BRD10: variants seen among roughly 807,000 people sequenced by gnomAD.
BRD10 encodes uncharacterized bromodomain-containing protein 10.
the BRD10 span, among the ~76,000 whole-genome samples, chr9:5,894,458 C>T: frequency 4.6e-5 from 7 of 152,196 alleles, no homozygotes; most frequent in South Asian, 1.2e-3. This position sits in a 1 kb window ranked among gnomAD's most constrained non-coding sequence, Gnocchi z 4.0. Flanking sequence ...AAGGGTGAGG[C>T]CATCAGGACC....
the BRD10 span, among the ~76,000 whole-genome samples, chr9:5,943,319 A>G: frequency 3.9e-5 from 6 of 152,200 alleles, no homozygotes; most frequent in Non-Finnish European, 8.8e-5. Flanking sequence ...ACTATGTTTA[A>G]AACTATGCAT....
the BRD10 span, among the ~76,000 whole-genome samples, chr9:5,964,074 G>C: frequency 1.3e-5 from 2 of 152,142 alleles, no homozygotes; most frequent in African/African-American, 4.8e-5. Flanking sequence ...TTCAACTAAA[G>C]AGCTTCTGCA....
chr9:5,988,344 C>T, the BRD10 span: 1 of 1,606,884 alleles, frequency 6.2e-7, no homozygotes, highest in Non-Finnish European at 8.5e-7. Context: ...TTAACATTTA[C>T]CTTTTTTCTT....
At chr9:5,884,527 TG>T in the BRD10 span, among the ~76,000 whole-genome samples, 4 of 152,172 alleles carry the variant, frequency 2.6e-5, no homozygotes, top group African/African-American at 9.6e-5. Context: ...CCCGAAGTTA[TG>T]GTTGGTGAAT....
chr9:5,922,990 C>T, the BRD10 span: 6 of 1,613,836 alleles, frequency 3.7e-6, no homozygotes, highest in Non-Finnish European at 5.1e-6. Flanking sequence ...TGGGTTTGGT[C>T]CCTTTCTGGA....
At chr9:5,953,126 T>A in the BRD10 span, among the ~76,000 whole-genome samples, 1 of 152,182 alleles carries the variant, frequency 6.6e-6, no homozygotes, top group Non-Finnish European at 1.5e-5. Context: ...TTTTTAGATA[T>A]ATCTAACTAT....
At chr9:5,908,668 A>C in the BRD10 span, 1 of 1,614,090 alleles carries the variant, frequency 6.2e-7, no homozygotes, top group Admixed American at 1.7e-5. Context: ...GCTTATGAGA[A>C]ACTCTCTGCA....
At chr9:5,921,136 TG>T in the BRD10 span, 1 of 1,613,960 alleles carries the variant, frequency 6.2e-7, no homozygotes, top group Non-Finnish European at 8.5e-7. Flanking sequence ...AATTACCACT[TG>T]TTGACAATGG....
chr9:5,920,890 T>G, the BRD10 span: 1 of 1,613,988 alleles, frequency 6.2e-7, no homozygotes, highest in South Asian at 1.1e-5. Context: ...TTCCGAGACT[T>G]GATGAGCAAA....
the BRD10 span, among the ~76,000 whole-genome samples, chr9:5,890,291 A>G: frequency 6.6e-6 from 1 of 152,262 alleles, no homozygotes; most frequent in Non-Finnish European, 1.5e-5. Context: ...GATAAACAAA[A>G]AATAACTCTT....
At chr9:5,966,150 T>C in the BRD10 span, among the ~76,000 whole-genome samples, 5 of 152,200 alleles carry the variant, frequency 3.3e-5, no homozygotes, top group Non-Finnish European at 5.9e-5. Context: ...ATTTCATGCA[T>C]GTAAGTCTTC....
the BRD10 span, among the ~76,000 whole-genome samples, chr9:5,911,522 T>TTTTAC: frequency 6.6e-6 from 1 of 151,154 alleles, no homozygotes; most frequent in Non-Finnish European, 1.5e-5. Context: ...GCTTAGGTCC[T>TTTTAC]TTTTCTTTTC....
chr9:5,996,129 G>C, the BRD10 span, among the ~76,000 whole-genome samples: 2 of 152,092 alleles, frequency 1.3e-5, no homozygotes, highest in Middle Eastern at 3.2e-3. Flanking sequence ...GCCCTTAGTG[G>C]TAAGTAAAGC....
the BRD10 span, among the ~76,000 whole-genome samples, chr9:5,987,811 G>A: frequency 6.6e-6 from 1 of 152,088 alleles, no homozygotes; most frequent in Non-Finnish European, 1.5e-5. Flanking sequence ...TCTGGGCCCT[G>A]GTTGTCTTTT....
the BRD10 span, among the ~76,000 whole-genome samples, chr9:5,930,087 AT>A: frequency 2.0e-5 from 3 of 151,202 alleles, no homozygotes; most frequent in African/African-American, 7.3e-5. Context: ...TATACTTATT[AT>A]TACCATCACC....
chr9:6,007,324 G>T, the BRD10 span: 1 of 1,613,780 alleles, frequency 6.2e-7, no homozygotes, highest in South Asian at 1.1e-5. Context: ...CACGAACTCG[G>T]TGATGCCCCC....
chr9:5,943,165 C>G, the BRD10 span, among the ~76,000 whole-genome samples: 2 of 152,190 alleles, frequency 1.3e-5, no homozygotes, highest in African/African-American at 2.4e-5. Flanking sequence ...GCCTGAGCCA[C>G]TACGCCTGGC....
the BRD10 span, chr9:5,922,384 G>T: frequency 6.2e-7 from 1 of 1,613,964 alleles, no homozygotes; most frequent in South Asian, 1.1e-5. Context: ...CCTCACTCTG[G>T]CTAGTCTTAA....
the BRD10 span, among the ~76,000 whole-genome samples, chr9:5,989,831 A>G: frequency 6.6e-6 from 1 of 152,138 alleles, no homozygotes; most frequent in Non-Finnish European, 1.5e-5. Context: ...ACCCAGCCAA[A>G]CATAAATCTT....
Sources: gnomAD v4.1 joint callset for allele counts (sites outside exome capture counted in the v4.1 genomes callset) on GRCh38, gnomAD v4.1.1 for gene constraint, Gnocchi (gnomAD v3.1) non-coding constraint, MANE v1.5 for transcripts, NCBI Gene and HGNC (gene_info 2026-07-23, HGNC 2026-07-21) for gene names.